WTAP: variants seen among roughly 807,000 people sequenced by gnomAD.
WTAP encodes pre-mRNA-splicing regulator WTAP.
A neutral mutation model predicts 50.0 loss-of-function variants in WTAP; 8 were observed. That is an observed-to-expected ratio of 0.16 (90% CI 0.09 to 0.29). The LOEUF is 0.29. Among genes scored for constraint, WTAP ranks in the 10% least tolerant of loss-of-function variants. The pLI is 1.00. For synonymous variants in WTAP, 194 were observed against 169.0 expected (o/e 1.15, Z -1.15); for missense variants, 295 against 470.7 (o/e 0.63, Z 3.45).
intron 5 of WTAP, 29 bp downstream of exon 5, chr6:159,743,821 T>G: frequency 6.4e-7 from 1 of 1,562,238 alleles, no homozygotes; most frequent in Non-Finnish European, 8.6e-7. Flanking sequence ...ATAAATGTCT[T>G]TAGTTGAGGA....
intron 1 of WTAP, chr6:159,730,809 CTTACA>C (rs1778520045): frequency 6.6e-6 from 1 of 152,116 alleles, no homozygotes; most frequent in South Asian, 2.1e-4. Flanking sequence ...TTACTCCTGA[CTTACA>C]TTACAAATAC....
At chr6:159,738,008 G>A (rs993521622) in intron 2 of WTAP, among the ~76,000 whole-genome samples, 2 of 152,176 alleles carry the variant, frequency 1.3e-5, no homozygotes, top group Non-Finnish European at 2.9e-5. Context: ...AACACCTTGC[G>A]TGACTAGCAG....
At position 159,755,484 on chromosome 6, in the gene WTAP, A is replaced by G. The variant is rs1485308418; in HGVS notation, c.1064A>G (p.Asp355Gly). ...SENSLTHQSN[D>G]TDSSHDPQEE... ...AACTCTCTCACACACCAATCAAATGACACAGACTCCAGTCATGACCCTCAA... is the reference window on the plus strand; with the variant it reads ...AACTCTCTCACACACCAATCAAATGGCACAGACTCCAGTCATGACCCTCAA... Residue 355 changes from aspartate (D) to glycine (G), a missense_variant, in exon 8 of 8, where the codon GAC becomes GGC. Asp to Gly is a moderately conservative substitution (Grantham distance 94). Around this residue, in one of 2 missense-constraint regions of WTAP, gnomAD observed 175 missense variants for 183.1 expected, o/e 0.96. Transcript: ENST00000621533. 1.2e-6 allele frequency: 2 copies of G among 1,614,150 alleles called. No individual in the cohort carries two copies. The highest frequency in any genetic ancestry group is 1.7e-6 in the Non-Finnish European group (2 of 1,180,022).
At chr6:159,754,533 GTATCCA>G (rs545276494) in intron 7 of WTAP, among the ~76,000 whole-genome samples, 113 of 152,238 alleles carry the variant, frequency 7.4e-4, no homozygotes, top group African/African-American at 2.6e-3. Flanking sequence ...GTTGCCCTCG[GTATCCA>G]TGGTGGATTG....
At chr6:159,743,247 G>T (rs560886638) in intron 4 of WTAP, among the ~76,000 whole-genome samples, 8 of 152,188 alleles carry the variant, frequency 5.3e-5, no homozygotes, top group African/African-American at 1.7e-4. Context: ...GTGTTTCACC[G>T]TGTTGGTTAG....
chr6:159,733,026 A>G (rs574218621), intron 1 of WTAP, among the ~76,000 whole-genome samples: 1 of 152,224 alleles, frequency 6.6e-6, no homozygotes, highest in Admixed American at 6.5e-5. Context: ...GCTAAAATAG[A>G]AGTAGTTAGA....
intron 1 of WTAP, chr6:159,730,752 T>G (rs922801414): frequency 6.6e-6 from 1 of 152,240 alleles, no homozygotes; most frequent in Non-Finnish European, 1.5e-5. Context: ...TAAAAGTGAC[T>G]CTGAGAGTTG....
At chr6:159,754,275 A>G (rs1336398898) in intron 7 of WTAP, among the ~76,000 whole-genome samples, 1 of 152,214 alleles carries the variant, frequency 6.6e-6, no homozygotes, top group African/African-American at 2.4e-5. Context: ...ATCTTCAGGA[A>G]TTATTTCCTG....
intron 5 of WTAP, among the ~76,000 whole-genome samples, chr6:159,744,141 T>C (rs1779422277): frequency 6.6e-6 from 1 of 152,230 alleles, no homozygotes; most frequent in Non-Finnish European, 1.5e-5. Flanking sequence ...AGGAAAGCCA[T>C]CTGAGGACTT....
At chr6:159,754,914 T>C (rs1464664330) in intron 7 of WTAP, 114 bp from the exon 8 acceptor site, 31 of 1,113,144 alleles carry the variant, frequency 2.8e-5, no homozygotes, top group African/African-American at 4.7e-5. Context: ...GATTTTAGAA[T>C]TGTATTTGTT....
chr6:159,755,937 G>A lies in WTAP; in HGVS notation c.*326G>A. 4.1e-6 allele frequency: 1 copy of A among 245,818 alleles called. No individual in the cohort carries two copies. Among genetic ancestry groups the A allele is most frequent in the Non-Finnish European group, 7.6e-6 (1 of 130,862 alleles). 15.2% of individuals were successfully genotyped at this position (245,818 alleles called of 1,614,324 possible). Reference sequence around the variant, plus strand: ...ATTTTTCCTTAAAATACAACACAATGATGTCTGTATAAATCTGTCTGTTTA... The same window carrying A: ...ATTTTTCCTTAAAATACAACACAATAATGTCTGTATAAATCTGTCTGTTTA... On this transcript the variant is annotated 3_prime_UTR_variant, in exon 8 of 8. Coordinates refer to ENST00000621533, the MANE Select transcript of WTAP (RefSeq NM_001270531.2).
Position 159,748,869 on chromosome 6 carries a change from A to T in WTAP, c.452+500A>T, listed in dbSNP as rs961743291. On this transcript the variant is annotated intron_variant, in intron 6 of 7. Coordinates refer to ENST00000621533, the MANE Select transcript of WTAP (RefSeq NM_001270531.2). This position sits in a 1 kb window ranked among gnomAD's most constrained non-coding sequence, Gnocchi z 5.6. ...TAGTGACTTAGAGACACTGTGTATC[A>T]GTTTTGCCAATAAGACTGTGGACTT... The T allele has an allele frequency of 2.5e-6, 3 of 1,206,546 alleles. No individual in the cohort carries two copies. Among genetic ancestry groups the T allele is most frequent in the African/African-American group, 1.6e-5 (1 of 63,808 alleles). 74.7% of individuals were successfully genotyped at this position (1,206,546 alleles called of 1,614,324 possible).
intron 4 of WTAP, among the ~76,000 whole-genome samples, chr6:159,743,295 C>G (rs1378259528): frequency 6.6e-6 from 1 of 152,254 alleles, no homozygotes; most frequent in Admixed American, 6.5e-5. Context: ...GATCTACCTG[C>G]CTCAGCCTCC....
intron 5 of WTAP, among the ~76,000 whole-genome samples, chr6:159,744,854 A>G (rs1215064931): frequency 6.6e-6 from 1 of 151,972 alleles, no homozygotes; most frequent in Non-Finnish European, 1.5e-5. Context: ...TAATTTCTTA[A>G]TTTTTGTAGA....
At chr6:159,753,324 G>A (rs1368790836) in intron 6 of WTAP, 136 bp from the exon 7 acceptor site, 2 of 1,244,002 alleles carry the variant, frequency 1.6e-6, no homozygotes, top group Admixed American at 2.2e-5. Context: ...TCCCAGAAAA[G>A]AAGATGGTAA....
At chr6:159,747,668 G>A (rs1386179546) in intron 5 of WTAP, among the ~76,000 whole-genome samples, 4 of 152,036 alleles carry the variant, frequency 2.6e-5, no homozygotes, top group Non-Finnish European at 4.4e-5. Flanking sequence ...ATTTCCACAG[G>A]TAAAAAATTA....
intron 5 of WTAP, among the ~76,000 whole-genome samples, chr6:159,746,898 T>C (rs1779610194): frequency 6.6e-6 from 1 of 152,204 alleles, no homozygotes; most frequent in African/African-American, 2.4e-5. Flanking sequence ...TAAAGCTAAA[T>C]AGTAACTGAG....
At position 159,727,560 on chromosome 6, in the gene WTAP, G is replaced by A. The variant is rs1008897935; in HGVS notation, c.-152G>A. The stretch of plus-strand genomic sequence containing the variant: ...ACCCACAAATAAAGGGGAGCGCAGG[G>A]GTTGCGGCGGGACTAGGAGCGCGGC... On this transcript the variant is annotated 5_prime_UTR_variant, in exon 1 of 8. Transcript: ENST00000621533. The A allele has an allele frequency of 1.0e-5, 10 of 988,762 alleles. No homozygotes were observed. Among genetic ancestry groups the A allele is most frequent in the African/African-American group, 1.7e-5 (1 of 57,162 alleles). 61.2% of individuals were successfully genotyped at this position (988,762 alleles called of 1,614,324 possible). A position where few individuals can be genotyped will look rare whatever the true frequency, so the allele number is the denominator to read the frequency against.
chr6:159,730,911 G>C (rs2114869901), intron 1 of WTAP: 1 of 152,034 alleles, frequency 6.6e-6, no homozygotes, highest in Middle Eastern at 3.4e-3. Context: ...AAGAACATAA[G>C]CCAATGTCAG....
Sources: allele counts gnomAD v4.1 joint callset (sites outside exome capture counted in the v4.1 genomes callset), GRCh38; gene constraint gnomAD v4.1.1; regional missense constraint gnomAD v4.1.1; non-coding constraint Gnocchi (gnomAD v3.1); transcripts MANE v1.5; gene names NCBI Gene and HGNC (gene_info 2026-07-23, HGNC 2026-07-21).